STK38: variants seen among roughly 807,000 people sequenced by gnomAD.
STK38 encodes serine/threonine-protein kinase 38.
Under a neutral mutation model 59.0 loss-of-function variants are expected in STK38, and 26 were observed. The observed-to-expected ratio is 0.44, with a 90% CI of 0.32 to 0.61. The LOEUF (loss-of-function observed/expected upper bound fraction) is 0.61. STK38 is among the 20% of genes least tolerant of loss of function. The probability of loss-of-function intolerance (pLI) is 0.04; values close to 1 mark genes in which losing one functional copy is unlikely to be tolerated. For missense variants in STK38, 433 were observed against 566.0 expected, an observed-to-expected ratio of 0.76 and a Z score of 2.38; for synonymous variants, 175 against 176.6, an observed-to-expected ratio of 0.99 and a Z score of 0.07.
At chr6:36,513,931 A>G (rs1359545875) in intron 7 of STK38, among the ~76,000 whole-genome samples, 36 of 149,758 alleles carry the variant, frequency 2.4e-4, no homozygotes, top group South Asian at 4.3e-4. Flanking sequence ...CAAGGCGGGC[A>G]GATCACAAGG....
rs774099487 is a variant in STK38 at position 36,522,876 on chromosome 6, A to AAAAAAAAG, written c.307-1060_307-1059insCTTTTTTT. On this transcript the variant is annotated intron_variant, in intron 4 of 13. Coordinates refer to ENST00000229812, the MANE Select transcript of STK38 (RefSeq NM_007271.4). The stretch of plus-strand genomic sequence containing the variant: ...GTCTCAAAAAAAAAAAAAAAAAAAA[A>AAAAAAAAG]AAGAAGAAGAAGAAAATTCAAAATG... Among the ~76,000 whole-genome samples, 95 of 98,842 alleles carry AAAAAAAAG rather than the reference A, an allele frequency of 9.6e-4. 1 individual carries two copies. Among genetic ancestry groups the AAAAAAAAG allele is most frequent in the Non-Finnish European group, 1.2e-3 (66 of 54,688 alleles). The allele number at this position is 98,842 out of a possible 152,430, so 64.8% of individuals were successfully genotyped here.
intron 2 of STK38, among the ~76,000 whole-genome samples, chr6:36,531,800 A>G (rs749291769): frequency 2.8e-4 from 42 of 152,334 alleles, no homozygotes; most frequent in Non-Finnish European, 5.7e-4. Context: ...TTTACACAGG[A>G]AACAATTCCC....
In STK38 at chr6:36,499,417, C is replaced by T. The variant is rs1051469600; in HGVS notation, c.952+456G>A. Among the ~76,000 whole-genome samples, 2 of 152,116 alleles carry T rather than the reference C, an allele frequency of 1.3e-5. 1 individual carries two copies. The highest frequency in any genetic ancestry group is 1.3e-4 in the Admixed American group (2 of 15,272). On this transcript the variant is annotated intron_variant, in intron 10 of 13. Transcript: ENST00000229812. The stretch of plus-strand genomic sequence containing the variant: ...ATATACTTAATCTAGTGCTCACTGG[C>T]ATATGACCACCCCCACAGATGCGTC...
intron 3 of STK38, among the ~76,000 whole-genome samples, chr6:36,525,020 T>C (rs545177587): frequency 6.6e-6 from 1 of 152,080 alleles, no homozygotes; most frequent in Non-Finnish European, 1.5e-5. Flanking sequence ...TGATTTGAGA[T>C]GGATATTTTG....
chr6:36,501,869 T>C (rs1776849392), intron 9 of STK38, among the ~76,000 whole-genome samples: 1 of 152,250 alleles, frequency 6.6e-6, no homozygotes, highest in Non-Finnish European at 1.5e-5. Context: ...GCTTCCAGTA[T>C]TTCACTATGA....
chr6:36,521,662 A>C (rs1777378176), intron 5 of STK38, 72 bp downstream of exon 5: 2 of 1,122,680 alleles, frequency 1.8e-6, no homozygotes, highest in Admixed American at 5.1e-5. Flanking sequence ...TATATATTTC[A>C]ATTAAACAAA....
intron 2 of STK38, among the ~76,000 whole-genome samples, chr6:36,538,422 T>TTTAA: frequency 6.6e-6 from 1 of 152,270 alleles, no homozygotes; most frequent in East Asian, 1.9e-4. Flanking sequence ...TTGATAAAGG[T>TTTAA]TTAAGTTATA....
chr6:36,520,981 G>C (rs1417213569), intron 5 of STK38, among the ~76,000 whole-genome samples: 5 of 151,966 alleles, frequency 3.3e-5, no homozygotes, highest in African/African-American at 1.2e-4. Flanking sequence ...TCTTTTACAG[G>C]ACATTTGCGG....
chr6:36,522,738 C>G (rs1259076442), intron 4 of STK38, among the ~76,000 whole-genome samples: 2 of 151,122 alleles, frequency 1.3e-5, no homozygotes, highest in African/African-American at 4.9e-5. Context: ...TGCCTGTAAT[C>G]CCAGTTATTC....
intron 2 of STK38, among the ~76,000 whole-genome samples, chr6:36,527,691 C>T (rs1777564747): frequency 6.6e-6 from 1 of 152,084 alleles, no homozygotes; most frequent in South Asian, 2.1e-4. Context: ...TCCACAGAAC[C>T]TTCATTTATT....
intron 9 of STK38, among the ~76,000 whole-genome samples, chr6:36,504,678 G>C (rs943348672): frequency 2.6e-5 from 4 of 152,048 alleles, no homozygotes; most frequent in Non-Finnish European, 5.9e-5. Flanking sequence ...TTTCAAAAAT[G>C]TTTTTAACTA....
intron 2 of STK38, among the ~76,000 whole-genome samples, chr6:36,539,246 C>T (rs745903143): frequency 6.6e-6 from 1 of 151,784 alleles, no homozygotes; most frequent in Non-Finnish European, 1.5e-5. Flanking sequence ...ATTAGCCAGG[C>T]GTGGTGGCTC....
At chr6:36,530,706 T>TTTTG (rs1226593297) in intron 2 of STK38, among the ~76,000 whole-genome samples, 1 of 148,410 alleles carries the variant, frequency 6.7e-6, no homozygotes. Context: ...TTTTTTTTTT[T>TTTTG]GGAGACAAGA....
intron 9 of STK38, among the ~76,000 whole-genome samples, chr6:36,504,335 T>C (rs564492502): frequency 1.3e-5 from 2 of 152,348 alleles, no homozygotes; most frequent in East Asian, 3.9e-4. Flanking sequence ...AGCTAAAGCC[T>C]CTACTTTTTT....
chr6:36,515,575 A>G, intron 6 of STK38, 83 bp from the exon 7 acceptor site: 1 of 1,581,868 alleles, frequency 6.3e-7, no homozygotes. Context: ...GTGAGTACCA[A>G]TTTTCAGATA....
chr6:36,500,297 A>G (rs903045932), intron 9 of STK38, among the ~76,000 whole-genome samples: 2 of 151,894 alleles, frequency 1.3e-5, no homozygotes, highest in African/African-American at 2.4e-5. Flanking sequence ...TAATATATAT[A>G]TTACATGAGT....
intron 9 of STK38, among the ~76,000 whole-genome samples, chr6:36,502,646 A>G (rs889467445): frequency 1.3e-5 from 2 of 152,234 alleles, no homozygotes; most frequent in Non-Finnish European, 2.9e-5. Flanking sequence ...ATTATAATGC[A>G]TAATCATGAA....
chr6:36,528,858 G>C (rs7742459), intron 2 of STK38, among the ~76,000 whole-genome samples: 41,200 of 152,096 alleles, frequency 0.27, 6,371 homozygotes, highest in African/African-American at 0.42. Context: ...TGTCACAAAA[G>C]TGGCTCCTTC....
chr6:36,542,101 C>T (rs528830484), intron 1 of STK38, among the ~76,000 whole-genome samples: 1 of 152,226 alleles, frequency 6.6e-6, no homozygotes, highest in East Asian at 1.9e-4. Flanking sequence ...TCCCAAAGTG[C>T]TGGGATTGCA....
Sources: gnomAD v4.1 joint callset for allele counts (sites outside exome capture counted in the v4.1 genomes callset) on GRCh38, gnomAD v4.1.1 for gene constraint, MANE v1.5 for transcripts, NCBI Gene and HGNC (gene_info 2026-07-23, HGNC 2026-07-21) for gene names.